Variants in CCDC7 observed in about 807,000 individuals in gnomAD.
CCDC7 encodes the protein coiled-coil domain-containing protein 7.
A neutral mutation model predicts 196.9 loss-of-function variants in CCDC7; 183 were observed. The observed-to-expected ratio is 0.93, with a 90% CI of 0.82 to 1.05. CCDC7 has a LOEUF of 1.05. Ranked by LOEUF, CCDC7 falls within the 50% of genes least tolerant of loss-of-function variation. CCDC7 has a pLI of 0.00. For missense variants in CCDC7, 1,540 were observed against 1,482.2 expected (o/e 1.04, Z -0.64); for synonymous variants, 525 against 484.6 (o/e 1.08, Z -1.10).
chr10:32,805,111 T>G lies in CCDC7; in HGVS notation c.3097+13T>G. 6.4e-7 allele frequency: 1 copy of G among 1,554,974 alleles called. No homozygotes were observed. Among genetic ancestry groups the G allele is most frequent in the Non-Finnish European group, 8.9e-7 (1 of 1,127,878 alleles). ...AAGAGTTTCCCTGGTAAGAAAATAT[T>G]TTTAAGTCTAATATTTCTCATTTAT... On this transcript the variant is annotated intron_variant, in intron 30 of 41. Coordinates refer to ENST00000639629, the Ensembl canonical transcript of CCDC7.
rs200647748 is a variant in CCDC7, at chr10:32,729,312, A to G, written c.2780-20A>G. On this transcript the variant is annotated intron_variant, in intron 27 of 41. Coordinates refer to ENST00000639629, the Ensembl canonical transcript of CCDC7. Reference sequence around the variant, plus strand: ...GGCATATCCAGAAGTTCTATTGCACATCTATTTTTTTCTATTTAGCGTTTC... The same window carrying G: ...GGCATATCCAGAAGTTCTATTGCACGTCTATTTTTTTCTATTTAGCGTTTC... 1.9e-6 allele frequency: 3 copies of G among 1,541,880 alleles called. No individual in the cohort carries two copies. Among genetic ancestry groups the G allele is most frequent in the East Asian group, 2.3e-5 (1 of 43,224 alleles).
At chr10:32,592,814 C>T (rs550592102) in intron 18 of CCDC7, among the ~76,000 whole-genome samples, 1 of 152,246 alleles carries the variant, frequency 6.6e-6, no homozygotes, top group East Asian at 1.9e-4. Context: ...GATTTCTGTC[C>T]TTGCAATAGT....
chr10:32,661,942 C>T (rs1049940113), intron 20 of CCDC7, among the ~76,000 whole-genome samples: 4 of 152,018 alleles, frequency 2.6e-5, no homozygotes, highest in Non-Finnish European at 5.9e-5. Context: ...CTAGGACTTG[C>T]CTAGGAGTTG....
chr10:32,854,889 T>C (rs752737575), intron 41 of CCDC7, among the ~76,000 whole-genome samples: 28 of 152,092 alleles, frequency 1.8e-4, no homozygotes, highest in East Asian at 1.2e-3. Context: ...CCATTGTTCA[T>C]ATATATTTAT....
At chr10:32,622,422 G>T (rs976632895) in intron 18 of CCDC7, among the ~76,000 whole-genome samples, 1 of 151,982 alleles carries the variant, frequency 6.6e-6, no homozygotes, top group East Asian at 1.9e-4. Context: ...TCCTGCTTGG[G>T]CAGCAATTTA....
chr10:32,700,535 C>T (rs911200241), intron 24 of CCDC7, among the ~76,000 whole-genome samples: 4 of 152,110 alleles, frequency 2.6e-5, no homozygotes, highest in South Asian at 2.1e-4. Flanking sequence ...CTTGGCGATG[C>T]GGGCTCCTTT....
chr10:32,865,607 G>A (rs547394357), intron 41 of CCDC7, among the ~76,000 whole-genome samples: 52 of 151,890 alleles, frequency 3.4e-4, no homozygotes, highest in South Asian at 8.3e-4. Context: ...ATGAGGAAAC[G>A]TTCTTAGAGT....
chr10:32,609,078 A>G (rs2061826347), intron 18 of CCDC7, among the ~76,000 whole-genome samples: 1 of 152,252 alleles, frequency 6.6e-6, no homozygotes, highest in East Asian at 1.9e-4. Flanking sequence ...GAGAAGATGC[A>G]TATTCTGTAG....
chr10:32,725,542 T>C (rs1406142284), intron 25 of CCDC7, among the ~76,000 whole-genome samples: 1 of 152,104 alleles, frequency 6.6e-6, no homozygotes, highest in Non-Finnish European at 1.5e-5. Context: ...TGTATTGCTG[T>C]GAAGGAATAC....
At position 32,451,905 on chromosome 10, in the gene CCDC7, T is replaced by A; in HGVS notation, c.263T>A (p.Ile88Asn). Residue 88 changes from isoleucine to asparagine, a missense_variant, in exon 1 of 42, where the codon ATC becomes AAC. Ile to Asn is a moderately radical substitution (Grantham distance 149, BLOSUM62 -3). Transcript: ENST00000639629. ...GAAGATGAAATGATCGGAAAAATTA[T>A]CAAACATCTGAAGATGGTAAGAGGC... The A allele has an allele frequency of 3.1e-6, 5 of 1,611,890 alleles. No homozygotes were observed. In the South Asian group the frequency reaches 3.3e-5, roughly 11 times the overall value.
At chr10:32,725,237 A>G in intron 25 of CCDC7, 1 of 433,850 alleles carries the variant, frequency 2.3e-6, no homozygotes, top group Non-Finnish European at 4.7e-6. Flanking sequence ...TCGAAGCACC[A>G]ACTGATTTAT....
chr10:32,616,981 T>C (rs555074450), intron 18 of CCDC7, among the ~76,000 whole-genome samples: 5 of 127,224 alleles, frequency 3.9e-5, no homozygotes, highest in East Asian at 3.9e-4. Flanking sequence ...TTATTATTGG[T>C]CTGTTTGAGA....
intron 29 of CCDC7, among the ~76,000 whole-genome samples, chr10:32,780,399 A>G (rs1167003313): frequency 1.3e-5 from 2 of 152,346 alleles, no homozygotes; most frequent in Middle Eastern, 3.4e-3. Context: ...CTTTGTATCT[A>G]TAATACTCAA....
At chr10:32,522,584 G>A (rs1031355652) in intron 11 of CCDC7, among the ~76,000 whole-genome samples, 3 of 151,834 alleles carry the variant, frequency 2.0e-5, no homozygotes, top group African/African-American at 7.3e-5. Flanking sequence ...CTAAAGGTTT[G>A]TCAATTTTAT....
intron 9 of CCDC7, among the ~76,000 whole-genome samples, chr10:32,499,747 GCCGC>G (rs1293159094): frequency 1.3e-5 from 2 of 152,240 alleles, no homozygotes; most frequent in African/African-American, 4.8e-5. Flanking sequence ...AGAGGGCCCT[GCCGC>G]CTTCCGCAGT....
intron 20 of CCDC7, among the ~76,000 whole-genome samples, chr10:32,657,639 G>T (rs540908718): frequency 6.6e-6 from 1 of 152,264 alleles, no homozygotes; most frequent in South Asian, 2.1e-4. Flanking sequence ...TTCCTCCTAG[G>T]CCTCTGGGCC....
intron 28 of CCDC7, among the ~76,000 whole-genome samples, chr10:32,737,014 A>G (rs2084974633): frequency 6.6e-6 from 1 of 152,134 alleles, no homozygotes; most frequent in Admixed American, 6.5e-5. Context: ...ATTCTTTATG[A>G]AATTGAGGAA....
chr10:32,626,201 A>G, intron 18 of CCDC7, among the ~76,000 whole-genome samples: 1 of 152,194 alleles, frequency 6.6e-6, no homozygotes, highest in African/African-American at 2.4e-5. Flanking sequence ...TACAAGAGTT[A>G]TCTTTTCTTC....
At chr10:32,763,103 CAT>C (rs2077708963) in intron 28 of CCDC7, among the ~76,000 whole-genome samples, 1 of 151,872 alleles carries the variant, frequency 6.6e-6, no homozygotes, top group South Asian at 2.1e-4. Context: ...ATTCGTGAAT[CAT>C]ATATTGTTAG....
Sources: gnomAD v4.1 joint callset for allele counts (sites outside exome capture counted in the v4.1 genomes callset) on GRCh38, gnomAD v4.1.1 for gene constraint, MANE v1.5 for transcripts, NCBI Gene and HGNC (gene_info 2026-07-23, HGNC 2026-07-21) for gene names.